Variants in SLC6A17 observed in about 807,000 individuals in gnomAD.
The protein encoded by SLC6A17 is solute carrier family 6 member 17.
Under a neutral mutation model 64.5 loss-of-function variants are expected in SLC6A17, and 21 were observed. The observed-to-expected ratio is 0.33, with a 90% CI of 0.23 to 0.47. SLC6A17 has a LOEUF of 0.47. SLC6A17 is among the 20% of genes least tolerant of loss of function. The pLI is 1.00. For synonymous variants in SLC6A17, 372 were observed against 399.5 expected (o/e 0.93, Z 0.82); for missense variants, 682 against 963.2 (o/e 0.71, Z 3.86).
chr1:110,156,744 G>A lies in SLC6A17; in HGVS notation c.-88+5861G>A, dbSNP rs563480287. 7.2e-5 allele frequency among the ~76,000 whole-genome samples: 11 copies of A among 152,168 alleles called. No individual in the cohort carries two copies. In the South Asian group the frequency reaches 8.3e-4, roughly 11 times the overall value. ...CCCAGCCCTCTACAAAGCTGCACTG[G>A]AGGCTGATGAGAAAAGAGACACAAA... On this transcript the variant is annotated intron_variant, in intron 1 of 11. Transcript: ENST00000331565.
intron 10 of SLC6A17, among the ~76,000 whole-genome samples, chr1:110,196,558 G>T (rs1656975814): frequency 6.6e-6 from 1 of 152,194 alleles, no homozygotes; most frequent in Admixed American, 6.5e-5. Context: ...GACTCTGGCT[G>T]ATTTTTGTGT....
chr1:110,189,966 G>A (rs920199015), intron 6 of SLC6A17, among the ~76,000 whole-genome samples: 9 of 152,298 alleles, frequency 5.9e-5, no homozygotes, highest in Admixed American at 2.0e-4. Context: ...GCATTTGTTC[G>A]TGGGATCATT....
At chr1:110,195,781 AG>A (rs1431416705) in intron 10 of SLC6A17, 36 bp downstream of exon 10, 1 of 1,612,596 alleles carries the variant, frequency 6.2e-7, no homozygotes, top group African/African-American at 1.3e-5. Flanking sequence ...GGATGGGAGG[AG>A]GGGTCTGTCC....
chr1:110,180,715 G>A (rs1460948402), intron 6 of SLC6A17, among the ~76,000 whole-genome samples: 1 of 152,168 alleles, frequency 6.6e-6, no homozygotes, highest in East Asian at 1.9e-4. Context: ...CTACAATGAT[G>A]CTGTAAAGTA....
intron 2 of SLC6A17, among the ~76,000 whole-genome samples, chr1:110,169,760 A>G (rs200315773): frequency 1.3e-5 from 2 of 152,238 alleles, no homozygotes; most frequent in East Asian, 3.8e-4. Context: ...TTGAAACATA[A>G]AAGGAAATCC....
At chr1:110,162,299 T>C (rs1166096680) in intron 1 of SLC6A17, among the ~76,000 whole-genome samples, 2 of 152,242 alleles carry the variant, frequency 1.3e-5, no homozygotes, top group Non-Finnish European at 2.9e-5. Flanking sequence ...AACTTACCTT[T>C]CGCATCCATT....
chr1:110,151,254 A>G (rs1438839212), intron 1 of SLC6A17, among the ~76,000 whole-genome samples: 2 of 152,126 alleles, frequency 1.3e-5, no homozygotes, highest in Non-Finnish European at 1.5e-5. Flanking sequence ...CCGCGGCTTG[A>G]AACTGCGCGC....
intron 1 of SLC6A17, among the ~76,000 whole-genome samples, chr1:110,160,141 G>T (rs952639499): frequency 1.1e-4 from 17 of 152,218 alleles, no homozygotes; most frequent in African/African-American, 4.1e-4. Flanking sequence ...AAGCAGGCAA[G>T]CACTGCTCCT....
rs762265642 is a variant in SLC6A17, at chr1:110,166,940, A to C, written c.11A>C (p.Asn4Thr). The C allele has an allele frequency of 1.2e-6, 2 of 1,608,498 alleles. No individual in the cohort carries two copies. The highest frequency in any genetic ancestry group is 2.2e-5 in the South Asian group (2 of 90,816). MPK[N>T]SKVTQREHSS... ...GCCCAGGTGGCATCAATGCCGAAGA[A>C]CAGCAAAGTGACCCAGCGTGAGCAC... Residue 4 changes from asparagine (N) to threonine (T), a missense_variant, in exon 2 of 12, where the codon AAC (asparagine) becomes ACC (threonine). Around this residue, in one of 3 missense-constraint regions of SLC6A17, gnomAD observed 415 missense variants for 603.8 expected, o/e 0.69. Coordinates refer to ENST00000331565, the MANE Select transcript of SLC6A17 (RefSeq NM_001010898.4).
chr1:110,159,876 A>G (rs368049547), intron 1 of SLC6A17, among the ~76,000 whole-genome samples: 172 of 152,320 alleles, frequency 1.1e-3, no homozygotes, highest in African/African-American at 3.9e-3. Context: ...AAAATGGATC[A>G]ATTCATTTAT....
chr1:110,167,365 A>AACCATC, intron 2 of SLC6A17, 150 bp downstream of exon 2: 1 of 1,011,106 alleles, frequency 9.9e-7, no homozygotes, highest in Non-Finnish European at 1.4e-6. Flanking sequence ...GAATAGCTAT[A>AACCATC]ATGATGGTTA....
At chr1:110,175,055 G>A (rs1233411358) in intron 5 of SLC6A17, 95 bp downstream of exon 5, 1 of 1,450,838 alleles carries the variant, frequency 6.9e-7, no homozygotes, top group Admixed American at 2.3e-5. Flanking sequence ...CCTTTGCAGG[G>A]TCTTCTGGGT....
chr1:110,171,651 C>T (rs867609878), intron 2 of SLC6A17, among the ~76,000 whole-genome samples: 15 of 151,962 alleles, frequency 9.9e-5, no homozygotes, highest in African/African-American at 3.6e-4. Flanking sequence ...AGTAAGCCCC[C>T]ATGCCATCTG....
Position 110,192,109 on chromosome 1 carries a change from C to T in SLC6A17, c.1002C>T (p.Ala334=), listed in dbSNP as rs1253263155. Residue 334 remains alanine (A), a synonymous_variant, in exon 7 of 12, where the codon GCC becomes GCT. Coordinates refer to ENST00000331565, the MANE Select transcript of SLC6A17 (RefSeq NM_001010898.4). The surrounding 1 kb of genome is among the most constrained non-coding windows in gnomAD (Gnocchi z 4.3). The stretch of plus-strand genomic sequence containing the variant: ...ACAACAACTGCCACTTCGATGCCGC[C>T]CTGGTGTCCTTCATCAACTTCTTCA... The part of the protein sequence containing the change: ...KQDNNCHFDA[A]LVSFINFFTS... 1 of 1,614,218 alleles carries T rather than the reference C, an allele frequency of 6.2e-7. No individual in the cohort carries two copies. Among genetic ancestry groups the T allele is most frequent in the Non-Finnish European group, 8.5e-7 (1 of 1,180,042 alleles).
At chr1:110,181,064 A>G (rs149314495) in intron 6 of SLC6A17, among the ~76,000 whole-genome samples, 9 of 152,318 alleles carry the variant, frequency 5.9e-5, no homozygotes, top group African/African-American at 1.9e-4. Flanking sequence ...CATCGTTGGT[A>G]GGACAGTAAC....
chr1:110,198,187 C>T lies in SLC6A17; in HGVS notation c.1927C>T (p.Leu643=). 1 of 1,614,132 alleles carries T rather than the reference C, an allele frequency of 6.2e-7. No individual in the cohort carries two copies. The highest frequency in any genetic ancestry group is 8.5e-7 in the Non-Finnish European group (1 of 1,180,000). ...GGTGTTCGTCCTGCGGCACTTCCAC[C>T]TGCTCTCTGATGGCTCCAACACCCT... ...PVVFVLRHFH[L]LSDGSNTLSV... Residue 643 remains leucine (L), a synonymous_variant, in exon 12 of 12, where the codon CTG becomes TTG. Coordinates refer to ENST00000331565, the MANE Select transcript of SLC6A17 (RefSeq NM_001010898.4).
At chr1:110,181,322 G>A (rs948887211) in intron 6 of SLC6A17, among the ~76,000 whole-genome samples, 2 of 152,222 alleles carry the variant, frequency 1.3e-5, no homozygotes, top group Non-Finnish European at 2.9e-5. Context: ...TTGTCCTACA[G>A]ATGTACTCAT....
intron 1 of SLC6A17, among the ~76,000 whole-genome samples, chr1:110,165,070 G>A (rs556208456): frequency 6.6e-6 from 1 of 152,324 alleles, no homozygotes; most frequent in South Asian, 2.1e-4. Flanking sequence ...TAACAGCTCT[G>A]TATGTAAGCT....
intron 6 of SLC6A17, among the ~76,000 whole-genome samples, chr1:110,185,216 G>A (rs1656651795): frequency 6.6e-6 from 1 of 152,256 alleles, no homozygotes; most frequent in African/African-American, 2.4e-5. Flanking sequence ...GTGGACAGTG[G>A]CACCTCCCCA....
Sources: allele counts gnomAD v4.1 joint callset (sites outside exome capture counted in the v4.1 genomes callset), GRCh38; gene constraint gnomAD v4.1.1; regional missense constraint gnomAD v4.1.1; non-coding constraint Gnocchi (gnomAD v3.1); transcripts MANE v1.5; gene names NCBI Gene and HGNC (gene_info 2026-07-23, HGNC 2026-07-21).